The following ADGRV1 variants were observed in gnomAD, a reference collection of about 807,000 sequenced individuals.
ADGRV1 encodes adhesion G protein-coupled receptor V1.
Under a neutral mutation model 596.2 loss-of-function variants are expected in ADGRV1, and 359 were observed. The ratio of observed to expected loss-of-function variants is 0.60; its 90% confidence interval spans 0.55 to 0.66. The LOEUF is 0.66. ADGRV1 is among the 30% of genes least tolerant of loss of function. The pLI is 0.00. For synonymous variants in ADGRV1, 2,681 were observed against 2,679.2 expected (o/e 1.00, Z -0.02); for missense variants, 7,274 against 7,575.6 (o/e 0.96, Z 1.48).
intron 21 of ADGRV1, among the ~76,000 whole-genome samples, chr5:90,663,060 C>A (rs1211608556): frequency 6.7e-6 from 1 of 149,010 alleles, no homozygotes; most frequent in Non-Finnish European, 1.5e-5. Flanking sequence ...TGAATAATGC[C>A]GCAATAAACA....
chr5:90,717,430 GA>G (rs1750269960), intron 43 of ADGRV1: 1 of 83,702 alleles, frequency 1.2e-5, no homozygotes, highest in Non-Finnish European at 2.1e-5. Context: ...TTGCAAATGT[GA>G]TTTTTTTTTT....
chr5:90,666,388 T>C (rs1355710515), intron 21 of ADGRV1, among the ~76,000 whole-genome samples: 1 of 152,176 alleles, frequency 6.6e-6, no homozygotes, highest in Non-Finnish European at 1.5e-5. Flanking sequence ...TTGTCTCTTT[T>C]GATCTTTGTT....
In ADGRV1 at chr5:91,059,576, C is replaced by T. The variant is rs552953277; in HGVS notation, c.18153-12871C>T. Among the ~76,000 whole-genome samples, 4 of 152,182 alleles carry T rather than the reference C, an allele frequency of 2.6e-5. No individual in the cohort carries two copies. In the East Asian group the frequency reaches 7.7e-4, roughly 29 times the overall value. Reference sequence around the variant, plus strand: ...TAGTTTAGGGCAGTTCAAATTGGGACTTTTAAAATGTTGCCTCTACATATG... The same window carrying T: ...TAGTTTAGGGCAGTTCAAATTGGGATTTTTAAAATGTTGCCTCTACATATG... On this transcript the variant is annotated intron_variant, in intron 85 of 89. Coordinates refer to ENST00000405460, the MANE Select transcript of ADGRV1 (RefSeq NM_032119.4).
chr5:90,694,618 C>T lies in ADGRV1; in HGVS notation c.7862C>T (p.Ala2621Val). ...HRTGGSLGQV[A>V]VEWRVVGGTA... is the part of the protein sequence containing the mutation. ...ACAGGGGGCAGCTTAGGTCAAGTGGCAGTCGAATGGCGTGTTGTTGGTGGA... is the reference window on the plus strand; with the variant it reads ...ACAGGGGGCAGCTTAGGTCAAGTGGTAGTCGAATGGCGTGTTGTTGGTGGA... Residue 2621 changes from alanine to valine, a missense_variant, in exon 33 of 90, where the codon GCA becomes GTA. Transcript: ENST00000405460. 1 of 1,613,726 alleles carries T rather than the reference C, an allele frequency of 6.2e-7. No individual in the cohort carries two copies. The highest frequency in any genetic ancestry group is 8.5e-7 in the Non-Finnish European group (1 of 1,179,782).
At chr5:91,151,720 TAA>T (rs1796077572) in intron 88 of ADGRV1, among the ~76,000 whole-genome samples, 1 of 152,212 alleles carries the variant, frequency 6.6e-6, no homozygotes, top group Non-Finnish European at 1.5e-5. Flanking sequence ...TAGGCAACAT[TAA>T]AGAGTCAGTT....
Position 91,014,535 on chromosome 5 carries a change from G to T in ADGRV1, c.18152+29013G>T, listed in dbSNP as rs548611988. On this transcript the variant is annotated intron_variant, in intron 85 of 89. Coordinates refer to ENST00000405460, the MANE Select transcript of ADGRV1 (RefSeq NM_032119.4). ...GTTTTTTTGTTTTTTGTTTTTTTTTGGTTGGTAGGCTATTTATTACTGACT... is the reference window on the plus strand; with the variant it reads ...GTTTTTTTGTTTTTTGTTTTTTTTTTGTTGGTAGGCTATTTATTACTGACT... Among the ~76,000 whole-genome samples the T allele has an allele frequency of 2.3e-4, 35 of 149,526 alleles. No homozygotes were observed. The East Asian group carries it at 6.5e-3, about 28-fold the overall frequency.
At chr5:90,747,722 A>G (rs963688049) in intron 52 of ADGRV1, among the ~76,000 whole-genome samples, 1 of 152,204 alleles carries the variant, frequency 6.6e-6, no homozygotes, top group African/African-American at 2.4e-5. Context: ...TGTTCAGCAT[A>G]AACCACAATT....
chr5:90,851,009 A>G (rs1230907267), intron 79 of ADGRV1: 1 of 152,098 alleles, frequency 6.6e-6, no homozygotes, highest in African/African-American at 2.4e-5. Flanking sequence ...AAGAGGAAAC[A>G]GCATGTACAA....
intron 85 of ADGRV1, among the ~76,000 whole-genome samples, chr5:91,046,001 C>T (rs1785774764): frequency 6.6e-6 from 1 of 152,118 alleles, no homozygotes; most frequent in Admixed American, 6.6e-5. Flanking sequence ...CAAAACACTG[C>T]TGAAAGAAAT....
intron 83 of ADGRV1, among the ~76,000 whole-genome samples, chr5:90,954,647 T>A (rs1297371140): frequency 6.6e-6 from 1 of 152,230 alleles, no homozygotes; most frequent in African/African-American, 2.4e-5. Flanking sequence ...GCATTTTCTT[T>A]TATTATTTCT....
chr5:91,160,460 C>T (rs562724769), intron 89 of ADGRV1, among the ~76,000 whole-genome samples: 1 of 152,212 alleles, frequency 6.6e-6, no homozygotes, highest in African/African-American at 2.4e-5. Context: ...TCACTCAGTC[C>T]GTGCATCTGT....
intron 83 of ADGRV1, among the ~76,000 whole-genome samples, chr5:90,957,234 G>T (rs1031023908): frequency 6.6e-6 from 1 of 152,036 alleles, no homozygotes; most frequent in African/African-American, 2.4e-5. Context: ...TAAAAAAGAA[G>T]TGATCTCTAA....
At chr5:90,789,246 T>G (rs1236261907) in intron 68 of ADGRV1, among the ~76,000 whole-genome samples, 1 of 152,142 alleles carries the variant, frequency 6.6e-6, no homozygotes, top group Non-Finnish European at 1.5e-5. Context: ...ACCTTCACAG[T>G]GACATCTAGA....
chr5:91,045,464 A>G (rs940174522), intron 85 of ADGRV1, among the ~76,000 whole-genome samples: 6 of 152,220 alleles, frequency 3.9e-5, no homozygotes, highest in Non-Finnish European at 8.8e-5. Context: ...CAGATGCAGA[A>G]AAAGCATTTG....
Position 90,646,101 on chromosome 5 carries a change from C to G in ADGRV1, c.3022+10C>G. 2 of 1,538,856 alleles carry G rather than the reference C, an allele frequency of 1.3e-6. No individual in the cohort carries two copies. The highest frequency in any genetic ancestry group is 1.8e-6 in the Non-Finnish European group (2 of 1,141,372). On this transcript the variant is annotated intron_variant, in intron 16 of 89. Transcript: ENST00000405460. The stretch of plus-strand genomic sequence containing the variant: ...CCCATTTATTTTGCAGGTGGTATTG[C>G]TGTCTTATTTGAATGAGTTTACATA...
chr5:90,859,333 C>T (rs1767325978), intron 82 of ADGRV1, among the ~76,000 whole-genome samples: 1 of 152,170 alleles, frequency 6.6e-6, no homozygotes, highest in African/African-American at 2.4e-5. Flanking sequence ...CAGTATTGAT[C>T]TGATGATATC....
intron 83 of ADGRV1, among the ~76,000 whole-genome samples, chr5:90,901,451 T>G (rs2150639688): frequency 6.6e-6 from 1 of 152,238 alleles, no homozygotes; most frequent in Non-Finnish European, 1.5e-5. Context: ...CCAAGTCACC[T>G]CTATTGCCCC....
At chr5:90,978,843 T>C (rs1226553806) in intron 84 of ADGRV1, among the ~76,000 whole-genome samples, 1 of 152,204 alleles carries the variant, frequency 6.6e-6, no homozygotes, top group Admixed American at 6.5e-5. Flanking sequence ...GTCAATAAAA[T>C]GTTTTAAATG....
At chr5:90,776,609 G>A (rs1235176669) in intron 61 of ADGRV1, 33 bp downstream of exon 61, 1 of 1,608,344 alleles carries the variant, frequency 6.2e-7, no homozygotes, top group Admixed American at 1.7e-5. Context: ...TTGCCTATAT[G>A]GGGGTTACGA....
Sources: allele counts gnomAD v4.1 joint callset (sites outside exome capture counted in the v4.1 genomes callset), GRCh38; gene constraint gnomAD v4.1.1; transcripts MANE v1.5; gene names NCBI Gene and HGNC (gene_info 2026-07-23, HGNC 2026-07-21).